Variants in TTC27 observed in about 807,000 individuals in gnomAD.
TTC27 encodes tetratricopeptide repeat domain 27.
Under a neutral mutation model 115.9 loss-of-function variants are expected in TTC27, and 79 were observed. The observed-to-expected ratio is 0.68, with a 90% CI of 0.57 to 0.82. The LOEUF (loss-of-function observed/expected upper bound fraction) is 0.82, where lower values mean the gene tolerates loss of function less well. Among genes scored for constraint, TTC27 ranks in the 40% least tolerant of loss-of-function variants. TTC27 has a pLI of 0.00. For missense variants in TTC27, 1,054 were observed against 993.1 expected, an observed-to-expected ratio of 1.06 and a Z score of -0.82; for synonymous variants, 401 against 356.0, an observed-to-expected ratio of 1.13 and a Z score of -1.42.
intron 15 of TTC27, among the ~76,000 whole-genome samples, chr2:32,786,563 T>G (rs1670355341): frequency 6.6e-6 from 1 of 151,768 alleles, no homozygotes; most frequent in Admixed American, 6.6e-5. Flanking sequence ...TCATGAGGAG[T>G]GTGTTGTTTT....
chr2:32,642,352 A>T (rs569440534), intron 4 of TTC27, among the ~76,000 whole-genome samples: 10 of 144,130 alleles, frequency 6.9e-5, no homozygotes, highest in African/African-American at 2.6e-4. Flanking sequence ...CACAGGTTCA[A>T]GCGATTCTCA....
intron 13 of TTC27, among the ~76,000 whole-genome samples, chr2:32,766,813 T>C (rs1204678561): frequency 1.3e-5 from 2 of 152,124 alleles, no homozygotes; most frequent in Non-Finnish European, 2.9e-5. Flanking sequence ...TGCAACAGGG[T>C]CTCACTCTGT....
At chr2:32,706,077 C>CTTTTTTTTT (rs148953090) in intron 10 of TTC27, among the ~76,000 whole-genome samples, 6 of 53,226 alleles carry the variant, frequency 1.1e-4, no homozygotes, top group African/African-American at 2.7e-4. Flanking sequence ...TTACCTTACT[C>CTTTTTTTTT]TTTTTTTTTT....
chr2:32,776,982 T>A (rs886819572), intron 13 of TTC27, among the ~76,000 whole-genome samples: 2 of 152,088 alleles, frequency 1.3e-5, no homozygotes. Flanking sequence ...ATGTACAGAT[T>A]TTTTTTTGTA....
chr2:32,723,720 C>CCTTCCT (rs1668006213), intron 10 of TTC27, among the ~76,000 whole-genome samples: 2 of 34,790 alleles, frequency 5.7e-5, no homozygotes, highest in Non-Finnish European at 1.3e-4. Context: ...CCCTCCCTCC[C>CCTTCCT]TCCCTCCCTC....
intron 4 of TTC27, among the ~76,000 whole-genome samples, chr2:32,648,111 A>AT (rs1664934152): frequency 6.6e-6 from 1 of 151,628 alleles, no homozygotes. Context: ...TGGAAGAGAG[A>AT]TTTTCACTCT....
At chr2:32,754,131 C>G (rs1177338136) in intron 12 of TTC27, among the ~76,000 whole-genome samples, 2 of 149,658 alleles carry the variant, frequency 1.3e-5, no homozygotes, top group African/African-American at 4.9e-5. Flanking sequence ...ACTAATAAAA[C>G]AATTCATTCT....
chr2:32,695,941 G>A (rs1666971308), intron 9 of TTC27, among the ~76,000 whole-genome samples: 1 of 149,300 alleles, frequency 6.7e-6, no homozygotes, highest in Non-Finnish European at 1.5e-5. Context: ...TATTATGAAA[G>A]TAAAAATAAA....
intron 5 of TTC27, 69 bp downstream of exon 5, chr2:32,650,302 T>C: frequency 8.6e-7 from 1 of 1,158,972 alleles, no homozygotes; most frequent in Non-Finnish European, 1.2e-6. Flanking sequence ...AGATACTCCT[T>C]TTTAGTTTAT....
intron 5 of TTC27, among the ~76,000 whole-genome samples, chr2:32,659,746 A>T (rs911484130): frequency 4.6e-5 from 7 of 152,074 alleles, no homozygotes; most frequent in South Asian, 2.1e-4. Flanking sequence ...GCTCCTACTT[A>T]TGAGTGACAA....
chr2:32,800,295 C>A (rs1190671573), intron 16 of TTC27, among the ~76,000 whole-genome samples: 1 of 152,008 alleles, frequency 6.6e-6, no homozygotes, highest in Non-Finnish European at 1.5e-5. Context: ...TCAAGTGATT[C>A]TCCTGCCTCA....
intron 14 of TTC27, among the ~76,000 whole-genome samples, chr2:32,779,593 GTT>G (rs34377239): frequency 6.8e-6 from 1 of 146,704 alleles, no homozygotes; most frequent in Non-Finnish European, 1.5e-5. Flanking sequence ...ATTCTGTTAA[GTT>G]TTTTTTTTTT....
At position 32,628,243 on chromosome 2, in the gene TTC27, C is replaced by G; in HGVS notation, c.-50C>G. On this transcript the variant is annotated 5_prime_UTR_variant, in exon 1 of 20. Coordinates refer to ENST00000317907, the MANE Select transcript of TTC27 (RefSeq NM_017735.5). ...TGTTTTCACTTTCTTTTGTTGACTC[C>G]CGTGTGGCCCTCGTGGGAGCCTGTT... is the stretch of plus-strand genomic sequence containing the variant. 6.5e-7 allele frequency: 1 copy of G among 1,550,060 alleles called. No homozygotes were observed. Among genetic ancestry groups the G allele is most frequent in the Non-Finnish European group, 8.8e-7 (1 of 1,137,238 alleles).
intron 4 of TTC27, among the ~76,000 whole-genome samples, chr2:32,644,005 A>G (rs1168614176): frequency 6.6e-6 from 1 of 151,820 alleles, no homozygotes; most frequent in African/African-American, 2.4e-5. Flanking sequence ...ACACAGTGAA[A>G]CCCCGTTTCT....
chr2:32,802,260 A>G (rs779508223), intron 16 of TTC27, among the ~76,000 whole-genome samples: 2 of 152,222 alleles, frequency 1.3e-5, no homozygotes, highest in Non-Finnish European at 2.9e-5. Flanking sequence ...CAAAGGGGAA[A>G]ATATCACTAA....
At chr2:32,739,606 TAA>T (rs559316959) in intron 12 of TTC27, among the ~76,000 whole-genome samples, 130 of 152,340 alleles carry the variant, frequency 8.5e-4, no homozygotes, top group African/African-American at 3.1e-3. Context: ...TACTTTGTCT[TAA>T]GTTTTTTGTG....
intron 9 of TTC27, among the ~76,000 whole-genome samples, chr2:32,689,078 A>T (rs569424575): frequency 1.4e-4 from 22 of 152,274 alleles, no homozygotes; most frequent in African/African-American, 5.3e-4. Context: ...TGAATCTCAG[A>T]CACATTATTG....
chr2:32,710,081 T>C (rs115970809), intron 10 of TTC27, among the ~76,000 whole-genome samples: 1,951 of 152,294 alleles, frequency 0.013, 49 homozygotes, highest in African/African-American at 0.045. Flanking sequence ...GGTGGCATGA[T>C]CTCGGCTCAC....
intron 12 of TTC27, among the ~76,000 whole-genome samples, chr2:32,752,652 T>C (rs1050874693): frequency 6.6e-6 from 1 of 152,182 alleles, no homozygotes; most frequent in Non-Finnish European, 1.5e-5. Context: ...TGCATGTTGG[T>C]TTATTTTTAT....
Sources: allele counts gnomAD v4.1 joint callset (sites outside exome capture counted in the v4.1 genomes callset), GRCh38; gene constraint gnomAD v4.1.1; transcripts MANE v1.5; gene names NCBI Gene and HGNC (gene_info 2026-07-23, HGNC 2026-07-21).